Variants in FHOD3 observed in about 807,000 individuals in gnomAD.
The protein encoded by FHOD3 is formin homology 2 domain containing 3.
A neutral mutation model predicts 173.0 loss-of-function variants in FHOD3; 90 were observed. The observed-to-expected ratio is 0.52, with a 90% CI of 0.44 to 0.62. FHOD3 has a LOEUF of 0.62. Ranked by LOEUF, FHOD3 falls within the 20% of genes least tolerant of loss-of-function variation. The pLI is 0.00. For missense variants in FHOD3, 1,945 were observed against 2,034.7 expected, an observed-to-expected ratio of 0.96 and a Z score of 0.85; for synonymous variants, 828 against 823.0, an observed-to-expected ratio of 1.01 and a Z score of -0.10.
At chr18:36,543,550 C>T (rs2057304562) in intron 5 of FHOD3, among the ~76,000 whole-genome samples, 1 of 152,170 alleles carries the variant, frequency 6.6e-6, no homozygotes, top group Non-Finnish European at 1.5e-5. Flanking sequence ...ATCAGTCCAC[C>T]TACGATGAAC....
intron 24 of FHOD3, among the ~76,000 whole-genome samples, chr18:36,749,806 A>G (rs551435971): frequency 1.3e-5 from 2 of 152,354 alleles, no homozygotes; most frequent in Non-Finnish European, 1.5e-5. Flanking sequence ...CCAACCGAGT[A>G]TAAGTGTTCC....
At chr18:36,688,363 G>A (rs1372901738) in intron 16 of FHOD3, among the ~76,000 whole-genome samples, 2 of 152,196 alleles carry the variant, frequency 1.3e-5, no homozygotes, top group African/African-American at 2.4e-5. Flanking sequence ...AAATACATCA[G>A]GACAGTCTCT....
chr18:36,356,175 T>G (rs1427279745), intron 2 of FHOD3, among the ~76,000 whole-genome samples: 1 of 152,272 alleles, frequency 6.6e-6, no homozygotes. Flanking sequence ...TCAATGATAA[T>G]TTACTGGATA....
intron 28 of FHOD3, among the ~76,000 whole-genome samples, chr18:36,775,027 G>A (rs1057036713): frequency 1.2e-4 from 19 of 152,142 alleles, no homozygotes; most frequent in African/African-American, 4.1e-4. Flanking sequence ...TGGCCCTGCC[G>A]TTTTACGTCC....
chr18:36,512,410 G>T, intron 4 of FHOD3, 28 bp from the exon 5 acceptor site: 1 of 1,533,444 alleles, frequency 6.5e-7, no homozygotes, highest in African/African-American at 1.4e-5. Context: ...GACAGTATTT[G>T]AAGTATTTTT....
chr18:36,610,959 G>T (rs1336365308), intron 8 of FHOD3, among the ~76,000 whole-genome samples: 1 of 152,158 alleles, frequency 6.6e-6, no homozygotes, highest in African/African-American at 2.4e-5. Flanking sequence ...ATAAGATAAA[G>T]GGCTTGCAGT....
intron 13 of FHOD3, among the ~76,000 whole-genome samples, chr18:36,654,271 T>G (rs1316130496): frequency 1.3e-5 from 2 of 152,156 alleles, no homozygotes; most frequent in Non-Finnish European, 2.9e-5. Flanking sequence ...TGACCAGTCT[T>G]TATGGGTATC....
intron 28 of FHOD3, among the ~76,000 whole-genome samples, chr18:36,776,601 G>A (rs1277467388): frequency 6.6e-6 from 1 of 152,174 alleles, no homozygotes. Flanking sequence ...TTGCCATGGA[G>A]GTCCACAGAA....
intron 3 of FHOD3, among the ~76,000 whole-genome samples, chr18:36,471,527 A>G (rs1008218121): frequency 6.6e-6 from 1 of 152,188 alleles, no homozygotes; most frequent in Admixed American, 6.5e-5. Flanking sequence ...GCTCACTTAG[A>G]ACAAAGAGAA....
intron 1 of FHOD3, among the ~76,000 whole-genome samples, chr18:36,342,450 G>C (rs1226900306): frequency 6.6e-6 from 1 of 152,086 alleles, no homozygotes; most frequent in Non-Finnish European, 1.5e-5. Context: ...GGCAATGAAA[G>C]TATTAAATGC....
chr18:36,310,847 A>G (rs911658784), intron 1 of FHOD3, among the ~76,000 whole-genome samples: 79 of 152,032 alleles, frequency 5.2e-4, no homozygotes, highest in African/African-American at 1.8e-3. Flanking sequence ...CAGGTAGGAT[A>G]TGGGAGTCAG....
chr18:36,491,162 C>T (rs551597817), intron 3 of FHOD3, among the ~76,000 whole-genome samples: 7 of 152,238 alleles, frequency 4.6e-5, no homozygotes, highest in East Asian at 1.9e-4. Context: ...CATGTGTTTG[C>T]GGAAGGGGTT....
At chr18:36,563,645 G>A (rs979924472) in intron 5 of FHOD3, among the ~76,000 whole-genome samples, 1 of 152,242 alleles carries the variant, frequency 6.6e-6, no homozygotes, top group African/African-American at 2.4e-5. Flanking sequence ...GAGATTACAT[G>A]CAAACCAGCT....
chr18:36,338,584 G>C (rs568409369), intron 1 of FHOD3, among the ~76,000 whole-genome samples: 1 of 152,330 alleles, frequency 6.6e-6, no homozygotes, highest in African/African-American at 2.4e-5. Context: ...TCTGCTGCCA[G>C]CTTGGCTCTG....
chr18:36,594,568 C>G (rs990908839), intron 6 of FHOD3, among the ~76,000 whole-genome samples: 8 of 152,070 alleles, frequency 5.3e-5, no homozygotes, highest in Non-Finnish European at 1.0e-4. Context: ...AGGCAGGGAA[C>G]TTTGTACCTC....
At chr18:36,547,262 G>T (rs2057448268) in intron 5 of FHOD3, among the ~76,000 whole-genome samples, 1 of 152,280 alleles carries the variant, frequency 6.6e-6, no homozygotes, top group Admixed American at 6.5e-5. Flanking sequence ...TGACTTGAGT[G>T]GAAAGTTTCT....
At chr18:36,670,522 C>A (rs2037462564) in intron 14 of FHOD3, among the ~76,000 whole-genome samples, 2 of 152,198 alleles carry the variant, frequency 1.3e-5, no homozygotes, top group East Asian at 1.9e-4. Context: ...TCTACTGTTT[C>A]AAGTGGTCTC....
chr18:36,384,116 G>A (rs922524096), intron 3 of FHOD3, among the ~76,000 whole-genome samples: 1 of 152,114 alleles, frequency 6.6e-6, no homozygotes, highest in Non-Finnish European at 1.5e-5. Flanking sequence ...AAATTGTGAG[G>A]ATTAGGCCGA....
intron 3 of FHOD3, among the ~76,000 whole-genome samples, chr18:36,397,397 G>T (rs553527937): frequency 3.4e-4 from 51 of 152,174 alleles, no homozygotes; most frequent in Non-Finnish European, 6.6e-4. Context: ...TTACCCATTT[G>T]TATTTTGACA....
Sources: allele counts gnomAD v4.1 joint callset (sites outside exome capture counted in the v4.1 genomes callset), GRCh38; gene constraint gnomAD v4.1.1; transcripts MANE v1.5; gene names NCBI Gene and HGNC (gene_info 2026-07-23, HGNC 2026-07-21).